Variants in PDZRN4 observed in about 807,000 individuals in gnomAD.
PDZRN4 encodes the protein PDZ domain containing ring finger 4, also known as PDZ domain-containing RING finger protein 4.
In PDZRN4, 70 loss-of-function variants were observed where a neutral mutation model predicts 99.0. The observed-to-expected ratio is 0.71, with a 90% confidence interval of 0.58 to 0.86. PDZRN4 has a LOEUF of 0.86. Among genes scored for constraint, PDZRN4 ranks in the 40% least tolerant of loss-of-function variants. The probability of loss-of-function intolerance (pLI) is 0.00; values close to 1 mark genes in which losing one functional copy is unlikely to be tolerated. For synonymous variants in PDZRN4, 551 were observed against 501.6 expected, an observed-to-expected ratio of 1.10 and a Z score of -1.32; for missense variants, 1,474 against 1,331.2, an observed-to-expected ratio of 1.11 and a Z score of -1.67.
chr12:41,371,856 C>T (rs181210349), intron 3 of PDZRN4, among the ~76,000 whole-genome samples: 1 of 152,102 alleles, frequency 6.6e-6, no homozygotes, highest in East Asian at 1.9e-4. Context: ...TGAGATATGC[C>T]GTCAATGTTC....
At chr12:41,384,041 C>A (rs928050347) in intron 3 of PDZRN4, among the ~76,000 whole-genome samples, 1 of 129,290 alleles carries the variant, frequency 7.7e-6, no homozygotes, top group Non-Finnish European at 1.6e-5. Flanking sequence ...CTCTGTCTGT[C>A]GCCCAGGCTG....
At chr12:41,341,578 A>G (rs986015772) in intron 3 of PDZRN4, among the ~76,000 whole-genome samples, 2 of 151,874 alleles carry the variant, frequency 1.3e-5, no homozygotes, top group African/African-American at 4.8e-5. Context: ...GAGGAAATCA[A>G]TGAAACAATT....
intron 3 of PDZRN4, among the ~76,000 whole-genome samples, chr12:41,222,046 A>G (rs886549501): frequency 1.3e-5 from 2 of 152,146 alleles, no homozygotes; most frequent in Admixed American, 6.5e-5. Context: ...ATGCTCACAA[A>G]TTATTCCTTC....
intron 3 of PDZRN4, among the ~76,000 whole-genome samples, chr12:41,288,527 A>G (rs1445243332): frequency 6.6e-6 from 1 of 152,010 alleles, no homozygotes; most frequent in Non-Finnish European, 1.5e-5. Context: ...TTGTATCTCT[A>G]TTTGCAATAT....
intron 3 of PDZRN4, among the ~76,000 whole-genome samples, chr12:41,252,439 A>G (rs1025792374): frequency 6.6e-6 from 1 of 152,162 alleles, no homozygotes; most frequent in African/African-American, 2.4e-5. Flanking sequence ...TTCATTCACA[A>G]GAAACACTTA....
chr12:41,419,436 A>G (rs989744491), intron 3 of PDZRN4, among the ~76,000 whole-genome samples: 3 of 152,170 alleles, frequency 2.0e-5, no homozygotes, highest in Non-Finnish European at 4.4e-5. Context: ...GTAACTATAC[A>G]CTAGCCAATC....
chr12:41,274,494 G>T (rs1185504042), intron 3 of PDZRN4, among the ~76,000 whole-genome samples: 1 of 152,122 alleles, frequency 6.6e-6, no homozygotes, highest in Non-Finnish European at 1.5e-5. Flanking sequence ...ATTAATGAAA[G>T]TTCCGAATTA....
chr12:41,356,478 G>C (rs144601066), intron 3 of PDZRN4, among the ~76,000 whole-genome samples: 603 of 152,050 alleles, frequency 4.0e-3, no homozygotes, highest in Non-Finnish European at 7.0e-3. Context: ...CTTATTCCTT[G>C]ATAGTCTACA....
intron 3 of PDZRN4, among the ~76,000 whole-genome samples, chr12:41,341,077 A>G (rs1951812757): frequency 6.6e-6 from 1 of 151,846 alleles, no homozygotes; most frequent in Non-Finnish European, 1.5e-5. Context: ...CAATAAATGC[A>G]TTAAAACACA....
intron 3 of PDZRN4, among the ~76,000 whole-genome samples, chr12:41,480,756 G>T (rs1293867717): frequency 6.6e-6 from 1 of 151,998 alleles, no homozygotes; most frequent in Non-Finnish European, 1.5e-5. Flanking sequence ...CAAGATAGGG[G>T]AGTAGGAATA....
At chr12:41,467,494 G>C (rs967306134) in intron 3 of PDZRN4, among the ~76,000 whole-genome samples, 1 of 152,112 alleles carries the variant, frequency 6.6e-6, no homozygotes, top group African/African-American at 2.4e-5. Context: ...GAAAAAACAC[G>C]AAAGGAGGTT....
chr12:41,494,057 A>G (rs1937945046), intron 3 of PDZRN4, among the ~76,000 whole-genome samples: 1 of 142,800 alleles, frequency 7.0e-6, no homozygotes, highest in Non-Finnish European at 1.5e-5. Context: ...TTTTATTTTC[A>G]TTTTGCAACT....
chr12:41,302,947 CA>C (rs1372175603), intron 3 of PDZRN4, among the ~76,000 whole-genome samples: 1 of 126,232 alleles, frequency 7.9e-6, no homozygotes, highest in East Asian at 2.3e-4. Flanking sequence ...CACACACACA[CA>C]CACACACACA....
intron 5 of PDZRN4, among the ~76,000 whole-genome samples, chr12:41,522,021 T>C (rs1406402956): frequency 6.6e-6 from 1 of 152,106 alleles, no homozygotes; most frequent in Non-Finnish European, 1.5e-5. Flanking sequence ...TGAGCCTTTT[T>C]TGCAGCCAGG....
intron 3 of PDZRN4, among the ~76,000 whole-genome samples, chr12:41,472,003 CTTTT>C (rs71081744): frequency 7.1e-6 from 1 of 140,176 alleles, no homozygotes; most frequent in East Asian, 2.0e-4. Context: ...TTCTATATTA[CTTTT>C]TTTTTTTTTT....
At chr12:41,378,762 A>G (rs571684098) in intron 3 of PDZRN4, among the ~76,000 whole-genome samples, 150 of 152,208 alleles carry the variant, frequency 9.9e-4, no homozygotes, top group African/African-American at 2.9e-3. Flanking sequence ...ACCTCAGGTG[A>G]TCTGCCCACC....
At chr12:41,209,963 A>G (rs921924028) in intron 3 of PDZRN4, among the ~76,000 whole-genome samples, 215 of 151,006 alleles carry the variant, frequency 1.4e-3, no homozygotes, top group Non-Finnish European at 2.0e-3. Context: ...AGTCCCACCA[A>G]CAGTGTAAAA....
At chr12:41,189,912 C>A (rs76739985) in intron 1 of PDZRN4, among the ~76,000 whole-genome samples, 1 of 152,120 alleles carries the variant, frequency 6.6e-6, no homozygotes, top group East Asian at 1.9e-4. Context: ...CTGCTGGCCC[C>A]GAACTGCGCT....
intron 3 of PDZRN4, among the ~76,000 whole-genome samples, chr12:41,351,250 A>G (rs1262519041): frequency 6.6e-6 from 1 of 152,056 alleles, no homozygotes; most frequent in East Asian, 1.9e-4. Flanking sequence ...CATTTTCTTA[A>G]AACTAAGCAA....
Sources: gnomAD v4.1 joint callset for allele counts (sites outside exome capture counted in the v4.1 genomes callset) on GRCh38, gnomAD v4.1.1 for gene constraint, MANE v1.5 for transcripts, NCBI Gene and HGNC (gene_info 2026-07-23, HGNC 2026-07-21) for gene names.